P2RX3: variants seen among roughly 807,000 people sequenced by gnomAD.
The protein encoded by P2RX3 is purinergic receptor P2X 3.
P2RX3 carries 41 observed loss-of-function variants against 51.5 expected under a neutral mutation model. That is an observed-to-expected ratio of 0.80 (90% confidence interval 0.62 to 1.03). The LOEUF (loss-of-function observed/expected upper bound fraction) is 1.03, where lower values mean the gene tolerates loss of function less well. Among genes scored for constraint, P2RX3 ranks in the 50% least tolerant of loss-of-function variants. The pLI, the probability that P2RX3 is intolerant of heterozygous loss-of-function variation, is 0.00. For missense variants in P2RX3, 459 were observed against 522.1 expected (o/e 0.88, Z 1.18); for synonymous variants, 185 against 191.6 (o/e 0.97, Z 0.29).
upstream of P2RX3, among the ~76,000 whole-genome samples, chr11:57,337,758 C>A (rs1401423047): frequency 1.3e-5 from 2 of 152,120 alleles, no homozygotes; most frequent in Non-Finnish European, 2.9e-5. Flanking sequence ...GTGCAACACA[C>A]CAACATGGCA....
At chr11:57,341,694 C>T (rs1590621180) in intron 1 of P2RX3, among the ~76,000 whole-genome samples, 1 of 152,164 alleles carries the variant, frequency 6.6e-6, no homozygotes, top group South Asian at 2.1e-4. Flanking sequence ...ATAGCCTGTG[C>T]TTGGCCTGAG....
chr11:57,369,507 C>A, intron 11 of P2RX3, 69 bp downstream of exon 11: 2 of 1,443,768 alleles, frequency 1.4e-6, no homozygotes, highest in Non-Finnish European at 1.9e-6. Flanking sequence ...CAGGGACTCT[C>A]AGTGGCTCCC....
rs1473640616 is a variant in P2RX3 at position 57,370,264 on chromosome 11, C to G, written c.*267C>G. 1 of 476,422 alleles carries G rather than the reference C, an allele frequency of 2.1e-6. No homozygotes were observed. The highest frequency in any genetic ancestry group is 3.7e-5 in the East Asian group (1 of 26,856). The allele number at this position is 476,422 out of a possible 1,614,324, so 29.5% of individuals were successfully genotyped here. A position where few individuals can be genotyped will look rare whatever the true frequency, so the allele number is the denominator to read the frequency against. On this transcript the variant is annotated 3_prime_UTR_variant, in exon 12 of 12. Transcript: ENST00000263314. ...GCAGGAGCACCTGAGCCATCCCCTT[C>G]CCAAAGAGTAGAGATTATAATGTAG... is the stretch of plus-strand genomic sequence containing the variant.
At chr11:57,353,095 C>G (rs942694205) in intron 8 of P2RX3, among the ~76,000 whole-genome samples, 3 of 152,232 alleles carry the variant, frequency 2.0e-5, no homozygotes, top group African/African-American at 7.2e-5. Context: ...GCACCCAAGG[C>G]TAAGCTAAGA....
At position 57,370,740 on chromosome 11, in the gene P2RX3, C is replaced by T. The variant is rs1367384420; in HGVS notation, c.*743C>T. On this transcript the variant is annotated 3_prime_UTR_variant, in exon 12 of 12. Coordinates refer to ENST00000263314, the MANE Select transcript of P2RX3 (RefSeq NM_002559.5). Reference sequence around the variant, plus strand: ...TGTCAGTGAATTTTTCCTCATCACTCCCCATAGCTCTCTCCCCAAACCAGG... The same window carrying T: ...TGTCAGTGAATTTTTCCTCATCACTTCCCATAGCTCTCTCCCCAAACCAGG... 6.6e-6 allele frequency: 1 copy of T among 152,234 alleles called. No individual in the cohort carries two copies. Among genetic ancestry groups the T allele is most frequent in the African/African-American group, 2.4e-5 (1 of 41,440 alleles). The allele number at this position is 152,234 out of a possible 1,614,324, so 9.4% of individuals were successfully genotyped here.
chr11:57,342,703 C>G (rs990134058), intron 1 of P2RX3, among the ~76,000 whole-genome samples: 1 of 152,056 alleles, frequency 6.6e-6, no homozygotes, highest in Non-Finnish European at 1.5e-5. Flanking sequence ...ATGTCAAGTG[C>G]CTTGCGGAGA....
intron 8 of P2RX3, among the ~76,000 whole-genome samples, chr11:57,363,783 T>C (rs768278320): frequency 4.6e-5 from 7 of 152,150 alleles, no homozygotes; most frequent in Non-Finnish European, 8.8e-5. Flanking sequence ...GACTTCTGGG[T>C]TACCCCCTCT....
chr11:57,349,783 C>T lies in P2RX3; in HGVS notation c.590C>T (p.Ala197Val), dbSNP rs747394861. 1.2e-6 allele frequency: 2 copies of T among 1,614,192 alleles called. No individual in the cohort carries two copies. The highest frequency in any genetic ancestry group is 1.7e-6 in the Non-Finnish European group (2 of 1,180,028). ...EKGNLLPNLTARDMKTCRFHP... is the reference protein window; with the variant it reads ...EKGNLLPNLTVRDMKTCRFHP... ...GGAAACCTCCTTCCCAACCTGACAG[C>T]CAGGGACATGAAGACCTGCCGCTTC... The change falls in exon 7 of 12, where the codon GCC (alanine) becomes GTC (valine). Residue 197 changes from alanine (A) to valine (V), a missense_variant. Physicochemically the swap from Ala to Val is moderately conservative, Grantham distance 64. Transcript: ENST00000263314.
intron 1 of P2RX3, among the ~76,000 whole-genome samples, chr11:57,344,733 C>T (rs1341842994): frequency 1.3e-5 from 2 of 152,030 alleles, no homozygotes; most frequent in Non-Finnish European, 2.9e-5. Context: ...AAAATTTAAA[C>T]TTAAATTAGA....
intron 8 of P2RX3, among the ~76,000 whole-genome samples, chr11:57,360,957 C>G (rs922354828): frequency 6.6e-6 from 1 of 152,178 alleles, no homozygotes; most frequent in Non-Finnish European, 1.5e-5. Context: ...CCAACCCCAG[C>G]TCATGCCCCT....
intron 11 of P2RX3, 44 bp downstream of exon 11, chr11:57,369,482 C>A: frequency 6.4e-7 from 1 of 1,558,430 alleles, no homozygotes; most frequent in Non-Finnish European, 8.7e-7. Context: ...GGAGAGGGGG[C>A]AGGGCAGGCA....
At chr11:57,359,905 T>C (rs967441609) in intron 8 of P2RX3, among the ~76,000 whole-genome samples, 1 of 152,226 alleles carries the variant, frequency 6.6e-6, no homozygotes, top group Non-Finnish European at 1.5e-5. Flanking sequence ...CTAGGTACTA[T>C]GTTCAGCCTT....
chr11:57,338,288 T>C, upstream of P2RX3: 1 of 290,668 alleles, frequency 3.4e-6, no homozygotes, highest in Non-Finnish European at 6.5e-6. Flanking sequence ...ACCCCACCCC[T>C]GCTGTGACAT....
intron 7 of P2RX3, among the ~76,000 whole-genome samples, 191 bp downstream of exon 7, chr11:57,350,089 C>G (rs927816785): frequency 1.6e-4 from 24 of 152,096 alleles, no homozygotes; most frequent in Non-Finnish European, 3.1e-4. Context: ...GATCTTGCCC[C>G]CCGCCTCCGC....
chr11:57,350,652 TGGAGGATG>T, intron 7 of P2RX3, 102 bp from the exon 8 acceptor site: 1 of 1,430,730 alleles, frequency 7.0e-7, no homozygotes, highest in Admixed American at 2.0e-5. Flanking sequence ...GTCTCCCACC[TGGAGGATG>T]GGAGGAAATC....
chr11:57,342,772 C>T (rs1330473056), intron 1 of P2RX3, among the ~76,000 whole-genome samples: 1 of 151,928 alleles, frequency 6.6e-6, no homozygotes, highest in Non-Finnish European at 1.5e-5. Flanking sequence ...CCCATCACCC[C>T]TCCCCCTTTC....
chr11:57,358,114 C>A (rs1315314023), intron 8 of P2RX3, among the ~76,000 whole-genome samples: 1 of 137,744 alleles, frequency 7.3e-6, no homozygotes, highest in Non-Finnish European at 1.7e-5. Flanking sequence ...GATAAAAAAA[C>A]CCTTCTCCAT....
chr11:57,359,643 G>A (rs2134437951), intron 8 of P2RX3, among the ~76,000 whole-genome samples: 1 of 152,358 alleles, frequency 6.6e-6, no homozygotes, highest in South Asian at 2.1e-4. Flanking sequence ...CTCCACAGCT[G>A]AGGTGTTTTC....
chr11:57,346,474 C>T, intron 1 of P2RX3, 70 bp from the exon 2 acceptor site: 1 of 1,565,458 alleles, frequency 6.4e-7, no homozygotes, highest in Non-Finnish European at 8.7e-7. Context: ...GGAAGGTGAC[C>T]TCTCCCAGCT....
Sources: gnomAD v4.1 joint callset for allele counts (sites outside exome capture counted in the v4.1 genomes callset) on GRCh38, gnomAD v4.1.1 for gene constraint, MANE v1.5 for transcripts, NCBI Gene and HGNC (gene_info 2026-07-23, HGNC 2026-07-21) for gene names.